The following SEMA5A variants were observed in gnomAD, a reference collection of about 807,000 sequenced individuals.
SEMA5A encodes the protein semaphorin 5A, also known as semaphorin-5A.
Under a neutral mutation model 135.5 loss-of-function variants are expected in SEMA5A, and 55 were observed. The ratio of observed to expected loss-of-function variants is 0.41; its 90% confidence interval spans 0.33 to 0.51. The LOEUF (loss-of-function observed/expected upper bound fraction) is 0.51, where lower values mean the gene tolerates loss of function less well. Ranked by LOEUF, SEMA5A falls within the 20% of genes least tolerant of loss-of-function variation. The probability of loss-of-function intolerance (pLI) is 0.37; values close to 1 mark genes in which losing one functional copy is unlikely to be tolerated. For missense variants in SEMA5A, 1,290 were observed against 1,419.9 expected (o/e 0.91, Z 1.47); for synonymous variants, 580 against 546.5 (o/e 1.06, Z -0.85).
intron 12 of SEMA5A, among the ~76,000 whole-genome samples, chr5:9,152,233 C>T (rs1279448013): frequency 1.3e-5 from 2 of 152,190 alleles, no homozygotes; most frequent in South Asian, 2.1e-4. Flanking sequence ...TCCCGTGTCA[C>T]CCTCCAAAAA....
chr5:9,379,493 T>C (rs998959192), intron 3 of SEMA5A, among the ~76,000 whole-genome samples: 12 of 152,124 alleles, frequency 7.9e-5, no homozygotes, highest in Non-Finnish European at 1.8e-4. Flanking sequence ...CTTTCCTTGG[T>C]TTTGTTGTTA....
At chr5:9,063,184 T>C (rs1263838940) in intron 17 of SEMA5A, 79 bp from the exon 18 acceptor site, 1 of 1,336,234 alleles carries the variant, frequency 7.5e-7, no homozygotes, top group Non-Finnish European at 1.0e-6. Flanking sequence ...TCATTCTGTA[T>C]CTGCTGTCTG....
chr5:9,065,663 T>C (rs1164334305), intron 17 of SEMA5A, among the ~76,000 whole-genome samples: 1 of 152,242 alleles, frequency 6.6e-6, no homozygotes, highest in Non-Finnish European at 1.5e-5. Context: ...GTTGGTATCT[T>C]TTCCTTTGGA....
chr5:9,203,415 T>C (rs1354797808), intron 8 of SEMA5A, among the ~76,000 whole-genome samples: 1 of 152,164 alleles, frequency 6.6e-6, no homozygotes, highest in Non-Finnish European at 1.5e-5. Context: ...TAATAACATG[T>C]TACTGGCAGG....
chr5:9,197,452 A>G, intron 9 of SEMA5A, 149 bp from the exon 10 acceptor site: 2 of 938,306 alleles, frequency 2.1e-6, no homozygotes, highest in Non-Finnish European at 3.1e-6. Flanking sequence ...ATGAAGTCAG[A>G]GCGTGAATGG....
intron 11 of SEMA5A, among the ~76,000 whole-genome samples, chr5:9,158,016 G>A (rs1451657112): frequency 6.6e-6 from 1 of 152,210 alleles, no homozygotes; most frequent in Non-Finnish European, 1.5e-5. Flanking sequence ...ATAGGGAAAA[G>A]AACTATGTCA....
At chr5:9,256,513 T>G (rs1418726397) in intron 5 of SEMA5A, among the ~76,000 whole-genome samples, 1 of 152,206 alleles carries the variant, frequency 6.6e-6, no homozygotes, top group African/African-American at 2.4e-5. Flanking sequence ...GAGTAGACCA[T>G]TCTTTGCCAC....
intron 3 of SEMA5A, among the ~76,000 whole-genome samples, chr5:9,357,580 C>T (rs1246256195): frequency 6.6e-6 from 1 of 152,198 alleles, no homozygotes; most frequent in South Asian, 2.1e-4. Context: ...GAGATCCTGA[C>T]AGTATAACTG....
At chr5:9,343,770 G>C (rs1348054715) in intron 3 of SEMA5A, among the ~76,000 whole-genome samples, 1 of 152,170 alleles carries the variant, frequency 6.6e-6, no homozygotes. Flanking sequence ...TGTCTTGCCT[G>C]CTACCAGTTT....
At chr5:9,470,500 G>A (rs537629758) in intron 1 of SEMA5A, among the ~76,000 whole-genome samples, 14 of 152,286 alleles carry the variant, frequency 9.2e-5, no homozygotes, top group Admixed American at 7.2e-4. Flanking sequence ...GGGTAACAAT[G>A]TCTATCACAT....
intron 1 of SEMA5A, chr5:9,517,712 G>A (rs1480405032): frequency 6.6e-6 from 1 of 152,156 alleles, no homozygotes; most frequent in East Asian, 1.9e-4. Flanking sequence ...CTAAACCTAT[G>A]AAGTTTATAA....
chr5:9,377,943 C>CAACCCAGAGAGT (rs1755435931), intron 3 of SEMA5A, among the ~76,000 whole-genome samples: 1 of 152,112 alleles, frequency 6.6e-6, no homozygotes, highest in African/African-American at 2.4e-5. Context: ...AAGAAGCTCT[C>CAACCCAGAGAGT]AAAGATGACT....
chr5:9,437,337 T>TTTCTTTTC (rs563942215), intron 2 of SEMA5A, among the ~76,000 whole-genome samples: 80 of 152,246 alleles, frequency 5.3e-4, no homozygotes, highest in African/African-American at 1.6e-3. Flanking sequence ...CTCATTTTTT[T>TTTCTTTTC]TTCTTTTCTT....
chr5:9,528,649 G>A (rs1384569583), intron 1 of SEMA5A, among the ~76,000 whole-genome samples: 1 of 152,174 alleles, frequency 6.6e-6, no homozygotes, highest in Non-Finnish European at 1.5e-5. Context: ...AGGCCATGTG[G>A]CAGGATACCA....
intron 2 of SEMA5A, among the ~76,000 whole-genome samples, chr5:9,406,564 T>A (rs2126587419): frequency 6.6e-6 from 1 of 152,338 alleles, no homozygotes; most frequent in Middle Eastern, 3.4e-3. Flanking sequence ...ATATAAAATT[T>A]AAGCCTTAAA....
chr5:9,245,124 A>T (rs1201667097), intron 5 of SEMA5A, among the ~76,000 whole-genome samples: 2 of 152,182 alleles, frequency 1.3e-5, no homozygotes, highest in African/African-American at 4.8e-5. Context: ...AGAAACAAAC[A>T]ATTCCTAAGT....
intron 5 of SEMA5A, among the ~76,000 whole-genome samples, chr5:9,238,692 C>T (rs1172851270): frequency 6.6e-6 from 1 of 151,684 alleles, no homozygotes; most frequent in Non-Finnish European, 1.5e-5. Flanking sequence ...AATTGAGGCA[C>T]CTGGGCTTTT....
chr5:9,460,767 A>G (rs1579578051), intron 1 of SEMA5A, among the ~76,000 whole-genome samples: 1 of 152,212 alleles, frequency 6.6e-6, no homozygotes, highest in Admixed American at 6.5e-5. Context: ...TAATGATAGT[A>G]TATGACACAA....
intron 4 of SEMA5A, among the ~76,000 whole-genome samples, chr5:9,333,495 G>A (rs997291297): frequency 9.9e-5 from 15 of 152,268 alleles, no homozygotes; most frequent in East Asian, 3.9e-4. Context: ...CACTAAAGAC[G>A]AACTAATTCA....
Sources: gnomAD v4.1 joint callset for allele counts (sites outside exome capture counted in the v4.1 genomes callset) on GRCh38, gnomAD v4.1.1 for gene constraint, MANE v1.5 for transcripts, NCBI Gene and HGNC (gene_info 2026-07-23, HGNC 2026-07-21) for gene names.